SMG5: variants seen among roughly 807,000 people sequenced by gnomAD.
SMG5 encodes the protein nonsense-mediated mRNA decay factor SMG5.
Under a neutral mutation model 122.9 loss-of-function variants are expected in SMG5, and 53 were observed. That is an observed-to-expected ratio of 0.43 (90% CI 0.35 to 0.54). SMG5 has a LOEUF of 0.54. Among genes scored for constraint, SMG5 ranks in the 20% least tolerant of loss-of-function variants. The pLI is 0.01. For missense variants in SMG5, 1,153 were observed against 1,285.6 expected, an observed-to-expected ratio of 0.90 and a Z score of 1.58; for synonymous variants, 477 against 490.2, an observed-to-expected ratio of 0.97 and a Z score of 0.35.
At chr1:156,282,860 A>G (rs1037290320), upstream of SMG5, 10 of 627,510 alleles carry the variant, frequency 1.6e-5, no homozygotes, top group Admixed American at 1.6e-4. Context: ...TCGCGATGGC[A>G]GCCGCACAGT....
At chr1:156,279,787 T>G (rs569863743) in intron 1 of SMG5, among the ~76,000 whole-genome samples, 1 of 152,180 alleles carries the variant, frequency 6.6e-6, no homozygotes, top group East Asian at 1.9e-4. Context: ...CTGGGCTGCT[T>G]AGCCGTAAGC....
intron 12 of SMG5, 108 bp from the exon 13 acceptor site, chr1:156,263,678 T>G: frequency 8.0e-7 from 1 of 1,249,568 alleles, no homozygotes; most frequent in African/African-American, 1.5e-5. Flanking sequence ...CCTGGGCCCT[T>G]CCAAGGAATT....
Position 156,249,238 on chromosome 1 carries a change from T to A in SMG5, c.*1349A>T. The A allele has an allele frequency of 6.1e-6, 1 of 164,262 alleles. No homozygotes were observed. The highest frequency in any genetic ancestry group is 1.3e-5 in the Non-Finnish European group (1 of 75,054). The allele number at this position is 164,262 out of a possible 1,614,324, so 10.2% of individuals were successfully genotyped here. On this transcript the variant is annotated 3_prime_UTR_variant, in exon 22 of 22. Transcript: ENST00000361813. The stretch of plus-strand genomic sequence containing the variant: ...GGAGACAGGGATTGGGCTTGGGGGG[T>A]TTATTAAGTGATGCTTTAGTCTCAG...
At chr1:156,286,496 G>A (rs199616044), upstream of SMG5, 14 of 1,610,464 alleles carry the variant, frequency 8.7e-6, no homozygotes, top group Admixed American at 1.0e-4. Flanking sequence ...AGAGGGTGGG[G>A]CATGGGAGAG....
intron 7 of SMG5, among the ~76,000 whole-genome samples, chr1:156,270,079 C>A (rs1662339211): frequency 6.6e-6 from 1 of 152,166 alleles, no homozygotes. Context: ...CCTTAACACT[C>A]ATGACATTTT....
intron 5 of SMG5, among the ~76,000 whole-genome samples, chr1:156,273,718 C>CTTTTT (rs748042052): frequency 2.6e-5 from 3 of 116,344 alleles, no homozygotes; most frequent in Admixed American, 9.3e-5. Context: ...GTTTTGTTTT[C>CTTTTT]TTTTTTTTTT....
Position 156,277,134 on chromosome 1 carries a change from C to T in SMG5, c.405G>A (p.Leu135=), listed in dbSNP as rs1662718039. The T allele has an allele frequency of 6.2e-7, 1 of 1,613,956 alleles. No individual in the cohort carries two copies. Among genetic ancestry groups the T allele is most frequent in the African/African-American group, 1.3e-5 (1 of 75,030 alleles). Residue 135 remains leucine, a synonymous_variant, in exon 4 of 22, where the codon CTG becomes CTA. Transcript: ENST00000361813. ...TCCAGTCGATGCAGCACTGCAGTTC[C>T]AGCTGGTAGTGGGACTGGATATAGA... ...LLLYIQSHYQ[L]ELQCCIDWTH...
rs1661320901 is a variant in SMG5, at chr1:156,250,950, G to A, written c.2875C>T (p.Gln959Ter). 3 of 1,614,038 alleles carry A rather than the reference G, an allele frequency of 1.9e-6. No homozygotes were observed. The highest frequency in any genetic ancestry group is 2.5e-6 in the Non-Finnish European group (3 of 1,179,944). The change falls in exon 21 of 22, where the codon CAG becomes TAG. Residue 959 changes from glutamine (Q) to a stop codon, truncating the protein, a stop_gained. Coordinates refer to ENST00000361813, the MANE Select transcript of SMG5 (RefSeq NM_015327.3). LOFTEE classifies it high-confidence loss of function. Reference protein sequence around the residue: ...LDSCKQLTLAQGAGEEDPSGM... With the variant: ...LDSCKQLTLA ...CTCGGATCCTCCTCACCTGCCCCCT[G>A]GGCCAGAGTCAGCTGTTTGCAGCTG...
intron 14 of SMG5, 47 bp from the exon 15 acceptor site, chr1:156,260,673 C>T (rs751425040): frequency 6.9e-7 from 1 of 1,444,844 alleles, no homozygotes; most frequent in South Asian, 1.6e-5. Context: ...GTGGGAACTC[C>T]CAGTCAGAGA....
chr1:156,256,957 C>T (rs1271575019), intron 16 of SMG5, among the ~76,000 whole-genome samples: 6 of 148,252 alleles, frequency 4.0e-5, no homozygotes, highest in Non-Finnish European at 8.9e-5. Context: ...GACAGAGTCT[C>T]GCTCTGTCGC....
rs11550468 is a variant in SMG5 at position 156,249,964 on chromosome 1, G to C, written c.*623C>G. On this transcript the variant is annotated 3_prime_UTR_variant, in exon 22 of 22. Coordinates refer to ENST00000361813, the MANE Select transcript of SMG5 (RefSeq NM_015327.3). ...ATGGGATGTGCAGCCCCTGCAGCAGGAGGAGGAGCACACGAACCCTGACCC... is the reference window on the plus strand; with the variant it reads ...ATGGGATGTGCAGCCCCTGCAGCAGCAGGAGGAGCACACGAACCCTGACCC... 1 of 470,782 alleles carries C rather than the reference G, an allele frequency of 2.1e-6. No individual in the cohort carries two copies. 29.2% of individuals were successfully genotyped at this position (470,782 alleles called of 1,614,324 possible).
At position 156,282,682 on chromosome 1, in the gene SMG5, G is replaced by T. The variant is rs1333965681; in HGVS notation, c.-2C>A. The T allele has an allele frequency of 6.2e-7, 1 of 1,601,172 alleles. No individual in the cohort carries two copies. Among genetic ancestry groups the T allele is most frequent in the East Asian group, 2.2e-5 (1 of 44,732 alleles). ...CCCTGTGGGGGGGCCTTGGCTCATGGTGCCCGGGTCCGGGGGCAGCTCCCG... is the reference window on the plus strand; with the variant it reads ...CCCTGTGGGGGGGCCTTGGCTCATGTTGCCCGGGTCCGGGGGCAGCTCCCG... On this transcript the variant is annotated 5_prime_UTR_variant, in exon 1 of 22. Coordinates refer to ENST00000361813, the MANE Select transcript of SMG5 (RefSeq NM_015327.3).
At chr1:156,277,573 C>T (rs1016875192) in intron 3 of SMG5, among the ~76,000 whole-genome samples, 9 of 147,326 alleles carry the variant, frequency 6.1e-5, no homozygotes, top group Non-Finnish European at 1.2e-4. Flanking sequence ...AGTACAATGG[C>T]GCGATCTCAG....
chr1:156,267,606 C>G lies in SMG5; in HGVS notation c.981G>C (p.Leu327=), dbSNP rs763581262. The G allele has an allele frequency of 4.3e-6, 7 of 1,613,602 alleles. No homozygotes were observed. The highest frequency in any genetic ancestry group is 1.7e-4 in the Middle Eastern group (1 of 5,984). ...LEDFNLCLFY[L]PSSPNLSLAS... ...CCAGGCTGAGGTTGGGTGAGGAGGGCAGGTAGAAGAGGCAGAGGTTGAAGT... is the reference window on the plus strand; with the variant it reads ...CCAGGCTGAGGTTGGGTGAGGAGGGGAGGTAGAAGAGGCAGAGGTTGAAGT... Residue 327 remains leucine (L), a synonymous_variant, in exon 10 of 22, where the codon CTG becomes CTC. Transcript: ENST00000361813.
chr1:156,277,966 C>A lies in SMG5; in HGVS notation c.256G>T (p.Val86Leu). The A allele has an allele frequency of 6.2e-7, 1 of 1,614,154 alleles. No individual in the cohort carries two copies. Among genetic ancestry groups the A allele is most frequent in the Non-Finnish European group, 8.5e-7 (1 of 1,180,010 alleles). ...ATAAGCTGGATAACTTCATAGTATACCTTTCTCCACAGCAGCTCCTCAGCC... is the reference window on the plus strand; with the variant it reads ...ATAAGCTGGATAACTTCATAGTATAACTTTCTCCACAGCAGCTCCTCAGCC... ...RKAEELLWRK[V>L]YYEVIQLIKT... Residue 86 changes from valine to leucine, a missense_variant, in exon 3 of 22, where the codon GTA (valine) becomes TTA (leucine). Val to Leu is a conservative substitution (Grantham distance 32). Coordinates refer to ENST00000361813, the MANE Select transcript of SMG5 (RefSeq NM_015327.3).
chr1:156,278,014 G>A lies in SMG5; in HGVS notation c.208C>T (p.His70Tyr), dbSNP rs1431546132. Reference sequence around the variant, plus strand: ...GCCTTTCTCCCATAGTCCACTGGGTGCAGGAACATAAGCTTGACGCAGAGC... The same window carrying A: ...GCCTTTCTCCCATAGTCCACTGGGTACAGGAACATAAGCTTGACGCAGAGC... ...RELCVKLMFL[H>Y]PVDYGRKAEE... The change falls in exon 3 of 22, where the codon CAC becomes TAC. Residue 70 changes from histidine to tyrosine, a missense_variant. Transcript: ENST00000361813. 2 of 1,614,146 alleles carry A rather than the reference G, an allele frequency of 1.2e-6. No individual in the cohort carries two copies.
At chr1:156,266,435 T>C in intron 11 of SMG5, 55 bp from the exon 12 acceptor site, 11 of 1,600,350 alleles carry the variant, frequency 6.9e-6, no homozygotes, top group Non-Finnish European at 9.4e-6. Flanking sequence ...GCCTGGAAGC[T>C]GGAATGTGCT....
upstream of SMG5, chr1:156,286,509 G>T (rs1264317525): frequency 6.2e-7 from 1 of 1,602,072 alleles, no homozygotes; most frequent in East Asian, 2.2e-5. Flanking sequence ...TGGGAGAGGG[G>T]ATGGTGCTAG....
At chr1:156,267,081 T>A (rs1662185931) in intron 10 of SMG5, among the ~76,000 whole-genome samples, 1 of 152,098 alleles carries the variant, frequency 6.6e-6, no homozygotes, top group South Asian at 2.1e-4. Context: ...GTCCTATCCC[T>A]CCTTACCTCC....
Sources: allele counts gnomAD v4.1 joint callset (sites outside exome capture counted in the v4.1 genomes callset), GRCh38; gene constraint gnomAD v4.1.1; transcripts MANE v1.5; gene names NCBI Gene and HGNC (gene_info 2026-07-23, HGNC 2026-07-21).